ZNF700: variants seen among roughly 807,000 people sequenced by gnomAD.
The protein encoded by ZNF700 is zinc finger protein 700.
ZNF700 carries 38 observed loss-of-function variants against 65.3 expected under a neutral mutation model. The ratio of observed to expected loss-of-function variants is 0.58; its 90% confidence interval spans 0.45 to 0.76. The LOEUF (loss-of-function observed/expected upper bound fraction) is 0.76. Among genes scored for constraint, ZNF700 ranks in the 30% least tolerant of loss-of-function variants. ZNF700 has a pLI of 0.00. For synonymous variants in ZNF700, 285 were observed against 290.4 expected, an observed-to-expected ratio of 0.98 and a Z score of 0.19; for missense variants, 857 against 888.4, an observed-to-expected ratio of 0.96 and a Z score of 0.45.
At chr19:11,945,761 C>G (rs1372970162) in intron 1 of ZNF700, among the ~76,000 whole-genome samples, 1 of 152,010 alleles carries the variant, frequency 6.6e-6, no homozygotes, top group Non-Finnish European at 1.5e-5. Context: ...TTCCGGGTAA[C>G]TTTAGCTGTA....
chr19:11,939,588 T>G (rs1972848565), intron 1 of ZNF700, among the ~76,000 whole-genome samples: 1 of 152,200 alleles, frequency 6.6e-6, no homozygotes, highest in African/African-American at 2.4e-5. Context: ...GGTCTATATC[T>G]CTGTTTTGGT....
chr19:11,925,135 G>T lies in ZNF700; in HGVS notation c.-76G>T. 2 of 1,573,372 alleles carry T rather than the reference G, an allele frequency of 1.3e-6. No individual in the cohort carries two copies. On this transcript the variant is annotated 5_prime_UTR_variant, in exon 1 of 4. Transcript: ENST00000254321. ...CACCTTCCTCGCTGCGCGGGCGGCG[G>T]TTGGTAACCGGTCAGACCAGCCCGA...
intron 1 of ZNF700, 77 bp downstream of exon 1, chr19:11,925,350 C>T: frequency 1.3e-6 from 2 of 1,585,624 alleles, no homozygotes; most frequent in East Asian, 2.3e-5. Flanking sequence ...GTGGCGGGAC[C>T]CGGGCCTCCC....
In ZNF700 at chr19:11,950,095, C is replaced by G. The variant is rs1973041114; in HGVS notation, c.2071C>G (p.Leu691Val). ...GAATGGATTCACATCTGCCAAGATT[C>G]TTCAAATACATGCAAGAACACACAT... ...CGNGFTSAKI[L>V]QIHARTHIGE... Residue 691 changes from leucine to valine, a missense_variant, in exon 4 of 4, where the codon CTT (leucine) becomes GTT (valine). Leu to Val is a conservative substitution (Grantham distance 32, BLOSUM62 1). This residue lies in a region of ZNF700 where 251 missense variants were observed against 250.3 expected (regional missense o/e 1.00). Transcript: ENST00000254321. 6.2e-7 allele frequency: 1 copy of G among 1,614,038 alleles called. No individual in the cohort carries two copies. Among genetic ancestry groups the G allele is most frequent in the African/African-American group, 1.3e-5 (1 of 74,922 alleles).
At chr19:11,940,036 A>G (rs531708169) in intron 1 of ZNF700, 2 of 151,328 alleles carry the variant, frequency 1.3e-5, no homozygotes, top group African/African-American at 2.4e-5. Flanking sequence ...GGTTCAAGCA[A>G]TTCTCCTGTC....
In ZNF700 at chr19:11,949,275, C is replaced by G; in HGVS notation, c.1251C>G (p.Pro417=). 6.2e-7 allele frequency: 1 copy of G among 1,614,106 alleles called. No homozygotes were observed. Among genetic ancestry groups the G allele is most frequent in the Non-Finnish European group, 8.5e-7 (1 of 1,180,016 alleles). The change falls in exon 4 of 4, where the codon CCC becomes CCG. Residue 417 remains proline (P), a synonymous_variant. Coordinates refer to ENST00000254321, the MANE Select transcript of ZNF700 (RefSeq NM_144566.3). ...AAAGGATTCACACTGGAGAGAAACC[C>G]TATGAGTGTAAGCAGTGTGGGAAAG... is the stretch of plus-strand genomic sequence containing the variant. ...YHERIHTGEK[P]YECKQCGKAF...
chr19:11,947,389 CAT>C (rs1244521949), intron 2 of ZNF700, 82 bp downstream of exon 2: 24 of 1,606,966 alleles, frequency 1.5e-5, no homozygotes, highest in Non-Finnish European at 2.0e-5. Flanking sequence ...TGATTTTGAA[CAT>C]AGACAGGAAA....
chr19:11,947,264 C>T lies in ZNF700; in HGVS notation c.147C>T (p.Phe49=), dbSNP rs371782270. The change falls in exon 2 of 4, where the codon TTC becomes TTT. Residue 49 remains phenylalanine, a synonymous_variant. Transcript: ENST00000254321. ...TGGATATTTCCCAGAAGAATCTCTT[C>T]AGGGAAGTGATGCTGGAAACTTTCA... The part of the protein sequence containing the change: ...TLLDISQKNL[F]REVMLETFRN... 2.5e-6 allele frequency: 4 copies of T among 1,613,930 alleles called. No homozygotes were observed. The highest frequency in any genetic ancestry group is 1.6e-4 in the Middle Eastern group (1 of 6,084).
chr19:11,940,914 T>G (rs1448448265), intron 1 of ZNF700, among the ~76,000 whole-genome samples: 4 of 151,738 alleles, frequency 2.6e-5, no homozygotes. Context: ...GAGTGTCGAT[T>G]GGTGCATTCA....
intron 1 of ZNF700, among the ~76,000 whole-genome samples, chr19:11,931,192 G>A (rs953667101): frequency 6.8e-6 from 1 of 147,838 alleles, no homozygotes; most frequent in African/African-American, 2.7e-5. Context: ...TAGACTGGGT[G>A]ACTTAAAGAA....
intron 1 of ZNF700, among the ~76,000 whole-genome samples, chr19:11,931,372 G>A (rs777026157): frequency 1.4e-5 from 2 of 147,934 alleles, no homozygotes; most frequent in Non-Finnish European, 1.5e-5. Context: ...TCTTATAAGA[G>A]CACTAATCTC....
intron 1 of ZNF700, among the ~76,000 whole-genome samples, chr19:11,925,651 C>T (rs1300809880): frequency 6.6e-6 from 1 of 152,184 alleles, no homozygotes; most frequent in African/African-American, 2.4e-5. Flanking sequence ...GGCCCCCAGT[C>T]CCCACTTTCT....
chr19:11,937,185 T>TA (rs373258178), intron 1 of ZNF700, among the ~76,000 whole-genome samples: 110 of 152,344 alleles, frequency 7.2e-4, no homozygotes, highest in African/African-American at 2.6e-3. Flanking sequence ...TCACAAGTGT[T>TA]ACGTTCTAGA....
intron 1 of ZNF700, chr19:11,939,974 C>T (rs1568294186): frequency 1.3e-5 from 2 of 148,258 alleles, no homozygotes; most frequent in Non-Finnish European, 3.0e-5. Context: ...TTTGAGACAG[C>T]AGGCTGGAGT....
At chr19:11,927,066 A>T (rs988230558) in intron 1 of ZNF700, among the ~76,000 whole-genome samples, 2 of 151,958 alleles carry the variant, frequency 1.3e-5, no homozygotes, top group Non-Finnish European at 2.9e-5. Context: ...ATTGAAAGCT[A>T]CTCTGGGCCA....
chr19:11,939,048 C>G (rs1369571610), intron 1 of ZNF700, among the ~76,000 whole-genome samples: 1 of 152,150 alleles, frequency 6.6e-6, no homozygotes, highest in East Asian at 1.9e-4. Context: ...CTGTTCATGT[C>G]CTTTGCCCAC....
chr19:11,941,190 T>C (rs966200285), intron 1 of ZNF700, among the ~76,000 whole-genome samples: 9 of 152,010 alleles, frequency 5.9e-5, no homozygotes, highest in Non-Finnish European at 8.8e-5. Flanking sequence ...AGACATAAAG[T>C]TTCTCCACGT....
intron 1 of ZNF700, among the ~76,000 whole-genome samples, chr19:11,927,297 C>A (rs1238971715): frequency 1.3e-5 from 2 of 151,846 alleles, no homozygotes; most frequent in African/African-American, 2.4e-5. Flanking sequence ...GAGGTTGCAG[C>A]CCAGCCGAGG....
intron 1 of ZNF700, among the ~76,000 whole-genome samples, chr19:11,927,637 C>G (rs906576324): frequency 1.3e-5 from 2 of 152,102 alleles, no homozygotes; most frequent in Non-Finnish European, 1.5e-5. Flanking sequence ...AAATTTATTA[C>G]TCTGTTGATT....
Sources: gnomAD v4.1 joint callset for allele counts (sites outside exome capture counted in the v4.1 genomes callset) on GRCh38, gnomAD v4.1.1 for gene constraint, gnomAD v4.1.1 regional missense constraint, MANE v1.5 for transcripts, NCBI Gene and HGNC (gene_info 2026-07-23, HGNC 2026-07-21) for gene names.